Variants in ANKFY1 observed in about 807,000 individuals in gnomAD.
ANKFY1 encodes the protein ankyrin repeat and FYVE domain-containing protein 1.
In ANKFY1, 47 loss-of-function variants were observed where a neutral mutation model predicts 128.3. That is an observed-to-expected ratio of 0.37 (90% CI 0.29 to 0.47). The LOEUF (loss-of-function observed/expected upper bound fraction) is 0.47, where lower values mean the gene tolerates loss of function less well. Among genes scored for constraint, ANKFY1 ranks in the 20% least tolerant of loss-of-function variants. The pLI, the probability that ANKFY1 is intolerant of heterozygous loss-of-function variation, is 1.00. For synonymous variants in ANKFY1, 553 were observed against 601.6 expected, an observed-to-expected ratio of 0.92 and a Z score of 1.18; for missense variants, 1,222 against 1,510.6, an observed-to-expected ratio of 0.81 and a Z score of 3.17.
intron 5 of ANKFY1, among the ~76,000 whole-genome samples, chr17:4,208,652 C>T (rs2060069258): frequency 6.6e-6 from 1 of 152,224 alleles, no homozygotes; most frequent in African/African-American, 2.4e-5. Context: ...TTTTCTGAAA[C>T]TCTAAGGCTT....
At chr17:4,244,930 G>T (rs62064377) in intron 1 of ANKFY1, among the ~76,000 whole-genome samples, 1 of 151,740 alleles carries the variant, frequency 6.6e-6, no homozygotes, top group Non-Finnish European at 1.5e-5. Context: ...CCTCAGCCCC[G>T]CCATCTCTAG....
Position 4,195,013 on chromosome 17 carries a change from C to T in ANKFY1, c.1337G>A (p.Arg446His), listed in dbSNP as rs760240002. 2.8e-5 allele frequency: 45 copies of T among 1,614,078 alleles called. No individual in the cohort carries two copies. In the East Asian group the frequency reaches 4.2e-4, roughly 15 times the overall value. The change falls in exon 10 of 25, where the codon CGC (arginine) becomes CAC (histidine). Residue 446 changes from arginine to histidine, a missense_variant. Transcript: ENST00000341657. ...ENSFAARLIQRGSHTDAPDTA... is the reference protein window; with the variant it reads ...ENSFAARLIQHGSHTDAPDTA... ...GTCAGGTGCGTCTGTGTGGCTGCCGCGCTGGATGAGTCTGGCTGCAAAGCT... is the reference window on the plus strand; with the variant it reads ...GTCAGGTGCGTCTGTGTGGCTGCCGTGCTGGATGAGTCTGGCTGCAAAGCT...
intron 7 of ANKFY1, among the ~76,000 whole-genome samples, chr17:4,206,042 A>G (rs1474857089): frequency 1.3e-5 from 2 of 152,322 alleles, no homozygotes; most frequent in Middle Eastern, 3.4e-3. Flanking sequence ...CAAACATATC[A>G]AGTGCTTACA....
At chr17:4,204,932 CT>C (rs1181663172) in intron 7 of ANKFY1, among the ~76,000 whole-genome samples, 2 of 152,144 alleles carry the variant, frequency 1.3e-5, no homozygotes, top group Non-Finnish European at 2.9e-5. Flanking sequence ...CAAAATTTTC[CT>C]CTCTACCAGC....
chr17:4,224,519 G>A (rs2060388895), intron 3 of ANKFY1, among the ~76,000 whole-genome samples: 1 of 151,762 alleles, frequency 6.6e-6, no homozygotes, highest in Admixed American at 6.6e-5. Context: ...TCTTAGGAAA[G>A]GAAAAACAGC....
chr17:4,263,502 A>AG, intron 1 of ANKFY1: 1 of 1,011,712 alleles, frequency 9.9e-7, no homozygotes, highest in Admixed American at 2.4e-5. Context: ...CAGCCCGAGG[A>AG]GACCCACGCT....
intron 18 of ANKFY1, 138 bp from the exon 19 acceptor site, chr17:4,177,440 T>C (rs1261004938): frequency 1.4e-6 from 1 of 733,000 alleles, no homozygotes; most frequent in Non-Finnish European, 2.1e-6. Flanking sequence ...CTCCCAAGAA[T>C]GAACATGAAA....
intron 7 of ANKFY1, among the ~76,000 whole-genome samples, chr17:4,202,785 A>G (rs191504434): frequency 1.3e-5 from 2 of 151,542 alleles, no homozygotes; most frequent in East Asian, 3.9e-4. Flanking sequence ...TACACCAAAC[A>G]TACAGAAGAT....
chr17:4,186,203 G>A (rs555988097), intron 11 of ANKFY1: 3 of 152,370 alleles, frequency 2.0e-5, no homozygotes, highest in South Asian at 2.1e-4. Flanking sequence ...ACCCCAACAA[G>A]TGGAAATGAA....
In ANKFY1 at chr17:4,172,671, T is replaced by A. The variant is rs200094920; in HGVS notation, c.3024A>T (p.Ser1008=). The change falls in exon 22 of 25, where the codon TCA becomes TCT. Residue 1008 remains serine (S), a synonymous_variant. Transcript: ENST00000341657. ...CATATTGTCCCAAAATGTGCAGTGG[T>A]GACTGGCCTCTGATAAAACAAGTTG... The part of the protein sequence containing the change: ...DAEAFNLRGQ[S]PLHILGQYGK... The A allele has an allele frequency of 6.2e-7, 1 of 1,613,974 alleles. No homozygotes were observed. Among genetic ancestry groups the A allele is most frequent in the East Asian group, 2.2e-5 (1 of 44,882 alleles).
Position 4,178,168 on chromosome 17 carries a change from G to C in ANKFY1, c.2598+689C>G, listed in dbSNP as rs1013918873. The C allele has an allele frequency of 1.3e-5, 2 of 152,848 alleles. No individual in the cohort carries two copies. The highest frequency in any genetic ancestry group is 4.8e-5 in the African/African-American group (2 of 41,466). The allele number at this position is 152,848 out of a possible 1,614,324, so 9.5% of individuals were successfully genotyped here. A position where few individuals can be genotyped will look rare whatever the true frequency, so the allele number is the denominator to read the frequency against. The stretch of plus-strand genomic sequence containing the variant: ...TCACACTTGTGAAAATGCTGAAGAC[G>C]GTGGTTACGGAAGCCTAAGACACCA... On this transcript the variant is annotated intron_variant, in intron 18 of 24. Coordinates refer to ENST00000341657, the MANE Select transcript of ANKFY1 (RefSeq NM_001330063.2). The surrounding 1 kb of genome is among the most constrained non-coding windows in gnomAD (Gnocchi z 4.1).
chr17:4,231,812 C>T (rs547968560), intron 3 of ANKFY1, among the ~76,000 whole-genome samples: 95 of 151,898 alleles, frequency 6.3e-4, no homozygotes, highest in African/African-American at 2.2e-3. Flanking sequence ...TAGCACACAC[C>T]TGTGGTCCCA....
intron 7 of ANKFY1, among the ~76,000 whole-genome samples, chr17:4,205,203 T>C (rs923506735): frequency 2.6e-5 from 4 of 152,122 alleles, no homozygotes; most frequent in Non-Finnish European, 4.4e-5. Context: ...TAAAAAAAAG[T>C]GGCCATGGCA....
intron 8 of ANKFY1, among the ~76,000 whole-genome samples, chr17:4,196,144 T>TACAC (rs35005172): frequency 1.2e-3 from 104 of 83,954 alleles, no homozygotes; most frequent in African/African-American, 2.8e-3. Flanking sequence ...CTGCATCTAC[T>TACAC]ACACACACAC....
At chr17:4,240,976 C>G (rs948850100) in intron 2 of ANKFY1, among the ~76,000 whole-genome samples, 3 of 152,180 alleles carry the variant, frequency 2.0e-5, no homozygotes, top group African/African-American at 7.2e-5. Context: ...CCCTATCCAG[C>G]CTTTAACATC....
intron 7 of ANKFY1, among the ~76,000 whole-genome samples, chr17:4,202,651 T>C (rs372453316): frequency 7.6e-6 from 1 of 132,442 alleles, no homozygotes; most frequent in East Asian, 2.5e-4. Flanking sequence ...GAGTCGAGAT[T>C]GTGCCACTGC....
chr17:4,224,887 C>A (rs2060396694), intron 3 of ANKFY1, among the ~76,000 whole-genome samples: 1 of 150,500 alleles, frequency 6.6e-6, no homozygotes, highest in Admixed American at 6.6e-5. Flanking sequence ...GGTTAAGATT[C>A]CCGTTTATTG....
chr17:4,189,468 G>A lies in ANKFY1; in HGVS notation c.1384C>T (p.Leu462=), dbSNP rs767095355. Residue 462 remains leucine (L), a synonymous_variant, in exon 11 of 25, where the codon CTA becomes TTA. Coordinates refer to ENST00000341657, the MANE Select transcript of ANKFY1 (RefSeq NM_001330063.2). ...APDTATGNCL[L]QRAAGAGNEA... Reference sequence around the variant, plus strand: ...TTTCCTGCTCCAGCTGCCCGCTGTAGTAAACAGTTTCCTAAAAGAAAATGG... The same window carrying A: ...TTTCCTGCTCCAGCTGCCCGCTGTAATAAACAGTTTCCTAAAAGAAAATGG... 1.3e-6 allele frequency: 2 copies of A among 1,582,878 alleles called. No homozygotes were observed. The highest frequency in any genetic ancestry group is 8.6e-7 in the Non-Finnish European group (1 of 1,161,246).
rs1028554489 is a variant in ANKFY1 at position 4,195,018 on chromosome 17, G to A, written c.1332C>T (p.Ile444=). The change falls in exon 10 of 25, where the codon ATC becomes ATT. Residue 444 remains isoleucine, a synonymous_variant. Transcript: ENST00000341657. ...GTGCGTCTGTGTGGCTGCCGCGCTG[G>A]ATGAGTCTGGCTGCAAAGCTGTTCT... is the stretch of plus-strand genomic sequence containing the variant. ...FDENSFAARL[I]QRGSHTDAPD... is the part of the protein sequence containing the mutation. 1.9e-6 allele frequency: 3 copies of A among 1,614,076 alleles called. No individual in the cohort carries two copies. Among genetic ancestry groups the A allele is most frequent in the African/African-American group, 1.3e-5 (1 of 74,918 alleles).
Sources: gnomAD v4.1 joint callset for allele counts (sites outside exome capture counted in the v4.1 genomes callset) on GRCh38, gnomAD v4.1.1 for gene constraint, Gnocchi (gnomAD v3.1) non-coding constraint, MANE v1.5 for transcripts, NCBI Gene and HGNC (gene_info 2026-07-23, HGNC 2026-07-21) for gene names.